The following STEAP1B variants were observed in gnomAD, a reference collection of about 807,000 sequenced individuals.
STEAP1B encodes the protein STEAP family member 1B, also known as STEAP family protein MGC87042.
In STEAP1B, 13 loss-of-function variants were observed where a neutral mutation model predicts 27.9. That is an observed-to-expected ratio of 0.47 (90% CI 0.30 to 0.74). STEAP1B has a LOEUF of 0.74. STEAP1B is among the 30% of genes least tolerant of loss of function. STEAP1B has a pLI of 0.06. For synonymous variants in STEAP1B, 86 were observed against 107.1 expected (o/e 0.80, Z 1.22); for missense variants, 250 against 298.7 (o/e 0.84, Z 1.20).
rs553486391 is a variant in STEAP1B, at chr7:22,486,365, A to G, written c.762+6200T>C. On this transcript the variant is annotated intron_variant, in intron 4 of 4. Transcript: ENST00000678116. ...CTGCCTGGCCTTTCATGAAAGGACC[A>G]AAGCCAGAGGCAGAATACAGTTTAA... is the stretch of plus-strand genomic sequence containing the variant. Among the ~76,000 whole-genome samples, 7 of 152,338 alleles carry G rather than the reference A, an allele frequency of 4.6e-5. No individual in the cohort carries two copies. The East Asian group carries it at 1.4e-3, about 30-fold the overall frequency.
intron 4 of STEAP1B, among the ~76,000 whole-genome samples, chr7:22,489,741 C>A (rs983542716): frequency 2.0e-5 from 3 of 152,132 alleles, no homozygotes; most frequent in African/African-American, 4.8e-5. Flanking sequence ...AAAGGCAATG[C>A]GGGCTCTTTT....
intron 4 of STEAP1B, among the ~76,000 whole-genome samples, chr7:22,449,667 G>A (rs1317666939): frequency 2.0e-5 from 3 of 152,218 alleles, no homozygotes; most frequent in Non-Finnish European, 4.4e-5. Flanking sequence ...ACCCAGCAGT[G>A]GGATTGCTGG....
At chr7:22,437,285 C>G (rs1317167778) in intron 4 of STEAP1B, among the ~76,000 whole-genome samples, 2 of 152,192 alleles carry the variant, frequency 1.3e-5, no homozygotes, top group Non-Finnish European at 2.9e-5. Flanking sequence ...TCCTAATAAC[C>G]ACCATTCTAT....
At chr7:22,493,199 A>G in intron 3 of STEAP1B, 125 bp downstream of exon 3, 1 of 1,207,162 alleles carries the variant, frequency 8.3e-7, no homozygotes, top group African/African-American at 1.5e-5. Context: ...AAAATTTTAA[A>G]ATAGATGACT....
At chr7:22,453,744 G>A (rs80187337) in intron 4 of STEAP1B, among the ~76,000 whole-genome samples, 5,722 of 152,212 alleles carry the variant, frequency 0.038, 355 homozygotes, top group African/African-American at 0.13. Context: ...CTATTCTGAC[G>A]TCCATTGACA....
intron 4 of STEAP1B, among the ~76,000 whole-genome samples, chr7:22,458,518 T>C (rs755421113): frequency 1.6e-4 from 25 of 152,360 alleles, no homozygotes; most frequent in Admixed American, 3.3e-4. Context: ...TCAGCAGTGG[T>C]ATGAATATTT....
At chr7:22,435,830 T>G (rs1243200504) in intron 4 of STEAP1B, among the ~76,000 whole-genome samples, 2 of 152,204 alleles carry the variant, frequency 1.3e-5, no homozygotes, top group Admixed American at 1.3e-4. Flanking sequence ...TCAATTCAAG[T>G]TAGCCTGGCC....
intron 4 of STEAP1B, among the ~76,000 whole-genome samples, chr7:22,487,817 A>AG (rs1297732799): frequency 4.0e-5 from 6 of 148,748 alleles, no homozygotes; most frequent in Admixed American, 6.7e-5. Flanking sequence ...AAAAAAAAAA[A>AG]AAAAAGAAAA....
intron 4 of STEAP1B, among the ~76,000 whole-genome samples, chr7:22,472,819 G>A (rs978289797): frequency 6.6e-6 from 1 of 152,174 alleles, no homozygotes; most frequent in Admixed American, 6.5e-5. Context: ...CTATGCAGGA[G>A]AATGGAAAGA....
chr7:22,490,353 G>C (rs1014049385), intron 4 of STEAP1B, among the ~76,000 whole-genome samples: 1 of 151,978 alleles, frequency 6.6e-6, no homozygotes, highest in African/African-American at 2.4e-5. Context: ...CTCTATGTAA[G>C]CCCTCTTTTT....
intron 4 of STEAP1B, among the ~76,000 whole-genome samples, chr7:22,432,699 T>C (rs922312747): frequency 2.6e-5 from 4 of 152,214 alleles, no homozygotes; most frequent in Admixed American, 2.0e-4. Flanking sequence ...CATTAAACTA[T>C]GTGATTTGCC....
intron 4 of STEAP1B, among the ~76,000 whole-genome samples, chr7:22,473,510 T>A (rs1003958271): frequency 6.6e-6 from 1 of 152,222 alleles, no homozygotes; most frequent in African/African-American, 2.4e-5. Flanking sequence ...GTAAGTGGAA[T>A]GAGACAAGGT....
At position 22,430,719 on chromosome 7, in the gene STEAP1B, G is replaced by A. The variant is rs546710034; in HGVS notation, c.763-10883C>T. On this transcript the variant is annotated intron_variant, in intron 4 of 4. Coordinates refer to ENST00000678116, the MANE Select transcript of STEAP1B (RefSeq NM_001382447.1). ...TTTCTCAAGGAATGTGAAGAAAGCTGTTTCCTGCTGCTTAAAGAATGTGAT... is the reference window on the plus strand; with the variant it reads ...TTTCTCAAGGAATGTGAAGAAAGCTATTTCCTGCTGCTTAAAGAATGTGAT... 7.9e-5 allele frequency among the ~76,000 whole-genome samples: 12 copies of A among 152,336 alleles called. No individual in the cohort carries two copies. The South Asian group carries it at 1.9e-3, about 24-fold the overall frequency.
At position 22,494,562 on chromosome 7, in the gene STEAP1B, T is replaced by C. The variant is rs920840810; in HGVS notation, c.84+210A>G. Among the ~76,000 whole-genome samples, 39 of 152,246 alleles carry C rather than the reference T, an allele frequency of 2.6e-4. No individual in the cohort carries two copies. The Middle Eastern group carries it at 0.014, about 53-fold the overall frequency. ...ATTTTCAGTAACGTATTCAAGGTTATTCAGCTAAGTCCCTGACAATCAGTG... is the reference window on the plus strand; with the variant it reads ...ATTTTCAGTAACGTATTCAAGGTTACTCAGCTAAGTCCCTGACAATCAGTG... On this transcript the variant is annotated intron_variant, in intron 2 of 4. Coordinates refer to ENST00000678116, the MANE Select transcript of STEAP1B (RefSeq NM_001382447.1).
intron 4 of STEAP1B, among the ~76,000 whole-genome samples, chr7:22,439,012 C>CCAAT (rs1172710031): frequency 1.3e-5 from 2 of 152,020 alleles, no homozygotes; most frequent in Admixed American, 6.6e-5. Flanking sequence ...AGAAATCTGG[C>CCAAT]CAATATGTAA....
chr7:22,467,781 G>A (rs779757576), intron 4 of STEAP1B, among the ~76,000 whole-genome samples: 39 of 152,066 alleles, frequency 2.6e-4, no homozygotes, highest in Non-Finnish European at 1.9e-4. Flanking sequence ...TTTGTAAATT[G>A]CCCAGTCTCG....
intron 4 of STEAP1B, among the ~76,000 whole-genome samples, chr7:22,429,667 C>G (rs574692488): frequency 6.6e-6 from 1 of 152,300 alleles, no homozygotes; most frequent in East Asian, 1.9e-4. Flanking sequence ...CTGCTCAGAA[C>G]AGTGCACAAT....
chr7:22,474,445 C>T (rs916306263), intron 4 of STEAP1B, among the ~76,000 whole-genome samples: 10 of 152,286 alleles, frequency 6.6e-5, no homozygotes, highest in Admixed American at 1.3e-4. Flanking sequence ...TCTAAAGCCC[C>T]CAAGTTGTAC....
At chr7:22,491,183 T>C (rs932881999) in intron 4 of STEAP1B, among the ~76,000 whole-genome samples, 1 of 152,226 alleles carries the variant, frequency 6.6e-6, no homozygotes, top group Non-Finnish European at 1.5e-5. Flanking sequence ...GGACTTTGGT[T>C]GAAGCTAGTG....
Sources: gnomAD v4.1 joint callset for allele counts (sites outside exome capture counted in the v4.1 genomes callset) on GRCh38, gnomAD v4.1.1 for gene constraint, MANE v1.5 for transcripts, NCBI Gene and HGNC (gene_info 2026-07-23, HGNC 2026-07-21) for gene names.